The following SLC25A32 variants were observed in gnomAD, a reference collection of about 807,000 sequenced individuals.
SLC25A32 encodes Glycine auxotroph B, complementation of hamster.
Under a neutral mutation model 39.0 loss-of-function variants are expected in SLC25A32, and 32 were observed. The ratio of observed to expected loss-of-function variants is 0.82; its 90% CI spans 0.62 to 1.10. SLC25A32 has a LOEUF of 1.10. Among genes scored for constraint, SLC25A32 ranks in the 50% least tolerant of loss-of-function variants. The probability of loss-of-function intolerance (pLI) is 0.00; values close to 1 mark genes in which losing one functional copy is unlikely to be tolerated. For missense variants in SLC25A32, 367 were observed against 395.3 expected, an observed-to-expected ratio of 0.93 and a Z score of 0.61; for synonymous variants, 166 against 152.4, an observed-to-expected ratio of 1.09 and a Z score of -0.66.
In SLC25A32 at chr8:103,398,862, G is replaced by C. The variant is rs1249093736; in HGVS notation, c.*1549C>G. ...CATCTGCATGTTATAAGATATTACA[G>C]TAAATACAATTAGGTACTTACCATT... is the stretch of plus-strand genomic sequence containing the variant. On this transcript the variant is annotated 3_prime_UTR_variant, in exon 7 of 7. Transcript: ENST00000297578. 2.6e-5 allele frequency: 4 copies of C among 152,038 alleles called. No individual in the cohort carries two copies. Among genetic ancestry groups the C allele is most frequent in the Non-Finnish European group, 5.9e-5 (4 of 68,004 alleles). 9.4% of individuals were successfully genotyped at this position (152,038 alleles called of 1,614,324 possible).
intron 1 of SLC25A32, among the ~76,000 whole-genome samples, chr8:103,410,432 T>C (rs567246852): frequency 6.6e-6 from 1 of 152,318 alleles, no homozygotes; most frequent in Non-Finnish European, 1.5e-5. Flanking sequence ...GTGGTGGCAT[T>C]GGGTTCTTAC....
chr8:103,402,042 C>G lies in SLC25A32; in HGVS notation c.565G>C (p.Gly189Arg). The G allele has an allele frequency of 6.2e-7, 1 of 1,608,514 alleles. No individual in the cohort carries two copies. The highest frequency in any genetic ancestry group is 8.5e-7 in the Non-Finnish European group (1 of 1,177,394). Reference protein sequence around the residue: ...VRGLYKGFVPGLFGTSHGALQ... With the variant: ...VRGLYKGFVPRLFGTSHGALQ... ...GCACCATGCGATGTTCCAAACAGCC[C>G]AGGAACAAATCCCTACAAGGGAATG... Residue 189 changes from glycine to arginine, a missense_variant, in exon 5 of 7, where the codon GGG (glycine) becomes CGG (arginine). Coordinates refer to ENST00000297578, the MANE Select transcript of SLC25A32 (RefSeq NM_030780.5).
intron 4 of SLC25A32, 91 bp downstream of exon 4, chr8:103,403,073 G>T: frequency 2.4e-6 from 2 of 818,922 alleles, no homozygotes; most frequent in Non-Finnish European, 3.6e-6. Context: ...CTTCTTTTTA[G>T]GACTTACTAT....
At chr8:103,409,826 T>A (rs987101860) in intron 1 of SLC25A32, among the ~76,000 whole-genome samples, 1 of 152,232 alleles carries the variant, frequency 6.6e-6, no homozygotes, top group Non-Finnish European at 1.5e-5. Context: ...CTGGGTTTGA[T>A]ACGTAACCTC....
chr8:103,403,409 TAAAAAAAA>T, intron 3 of SLC25A32, 85 bp from the exon 4 acceptor site: 13 of 249,172 alleles, frequency 5.2e-5, no homozygotes, highest in South Asian at 1.4e-4. Context: ...TACATTTATG[TAAAAAAAA>T]AAAAAAAAAA....
At chr8:103,403,377 T>G (rs747188117) in intron 3 of SLC25A32, 53 bp from the exon 4 acceptor site, 1 of 1,102,584 alleles carries the variant, frequency 9.1e-7, no homozygotes, top group Admixed American at 2.8e-5. Context: ...TTCGCACTTA[T>G]GACAACCCAA....
At chr8:103,408,631 T>C (rs1189872629) in intron 1 of SLC25A32, among the ~76,000 whole-genome samples, 1 of 152,176 alleles carries the variant, frequency 6.6e-6, no homozygotes, top group African/African-American at 2.4e-5. Flanking sequence ...AAAATCCAAG[T>C]AGAAAGTAGA....
chr8:103,407,079 A>G (rs191689688), intron 2 of SLC25A32, among the ~76,000 whole-genome samples: 1 of 152,328 alleles, frequency 6.6e-6, no homozygotes, highest in Admixed American at 6.5e-5. Context: ...CGACTGATTC[A>G]ACTTTTTCTA....
At chr8:103,413,740 C>T (rs537070526) in intron 1 of SLC25A32, among the ~76,000 whole-genome samples, 7 of 152,276 alleles carry the variant, frequency 4.6e-5, no homozygotes, top group African/African-American at 9.6e-5. Flanking sequence ...CTTCATAGAA[C>T]GGGTTCTTGC....
chr8:103,407,509 ATCCT>A (rs1221621457), intron 2 of SLC25A32, 121 bp downstream of exon 2: 6 of 762,972 alleles, frequency 7.9e-6, no homozygotes, highest in Admixed American at 3.2e-5. Context: ...GTTCTTCCTG[ATCCT>A]TCCAATTCAG....
Position 103,400,313 on chromosome 8 carries a change from T to G in SLC25A32, c.*98A>C, listed in dbSNP as rs891476270. On this transcript the variant is annotated 3_prime_UTR_variant, in exon 7 of 7. Coordinates refer to ENST00000297578, the MANE Select transcript of SLC25A32 (RefSeq NM_030780.5). ...AATGACTATAGAGCAATTTCGAATA[T>G]GAGCCATGTTTCTATGCAGAATTCT... The G allele has an allele frequency of 7.2e-7, 1 of 1,394,958 alleles. No homozygotes were observed. The highest frequency in any genetic ancestry group is 1.0e-6 in the Non-Finnish European group (1 of 1,003,358). The allele number at this position is 1,394,958 out of a possible 1,614,324, so 86.4% of individuals were successfully genotyped here.
intron 1 of SLC25A32, among the ~76,000 whole-genome samples, chr8:103,411,427 A>G (rs976665368): frequency 6.6e-6 from 1 of 151,980 alleles, no homozygotes; most frequent in Non-Finnish European, 1.5e-5. Context: ...CCCCGAGACA[A>G]TCTCAGCAGG....
rs751350298 is a variant in SLC25A32 at position 103,415,096 on chromosome 8, G to A, written c.-159C>T. The stretch of plus-strand genomic sequence containing the variant: ...CCCAAGGCGCGTGAGCGAAGCCGGA[G>A]ACTCTAGTACTGAGGGGGCAAGAAC... On this transcript the variant is annotated 5_prime_UTR_variant, in exon 1 of 7. Coordinates refer to ENST00000297578, the MANE Select transcript of SLC25A32 (RefSeq NM_030780.5). 11 of 1,610,800 alleles carry A rather than the reference G, an allele frequency of 6.8e-6. No individual in the cohort carries two copies. Among genetic ancestry groups the A allele is most frequent in the Admixed American group, 6.7e-5 (4 of 59,580 alleles).
At position 103,403,162 on chromosome 8, in the gene SLC25A32, A is replaced by C; in HGVS notation, c.552+2T>G. Reference sequence around the variant, plus strand: ...ATTTAAAATATATTGATAATTTGTTACCTTATATAATCCACGCACACCTTC... The same window carrying C: ...ATTTAAAATATATTGATAATTTGTTCCCTTATATAATCCACGCACACCTTC... On this transcript the variant is annotated splice_donor_variant, in intron 4 of 6. Transcript: ENST00000297578. LOFTEE classifies it high-confidence loss of function. 1 of 1,574,494 alleles carries C rather than the reference A, an allele frequency of 6.4e-7. No individual in the cohort carries two copies. Among genetic ancestry groups the C allele is most frequent in the Non-Finnish European group, 8.7e-7 (1 of 1,155,548 alleles).
At position 103,414,891 on chromosome 8, in the gene SLC25A32, G is replaced by A. The variant is rs775190762; in HGVS notation, c.47C>T (p.Thr16Met). ...QSASGSSAWSTVFRHVRYENL... is the reference protein window; with the variant it reads ...QSASGSSAWSMVFRHVRYENL... ...CTCATACCGGACGTGGCGGAATACC[G>A]TGCTCCACGCCGACGACCCGGACGC... is the stretch of plus-strand genomic sequence containing the variant. Residue 16 changes from threonine to methionine, a missense_variant, in exon 1 of 7, where the codon ACG (threonine) becomes ATG (methionine). By Grantham distance (81) the Thr-to-Met change is moderately conservative. Transcript: ENST00000297578. The A allele has an allele frequency of 1.9e-6, 3 of 1,612,518 alleles. No homozygotes were observed. The highest frequency in any genetic ancestry group is 2.2e-5 in the East Asian group (1 of 44,814).
chr8:103,407,826 T>C, intron 1 of SLC25A32, 42 bp from the exon 2 acceptor site: 1 of 1,568,506 alleles, frequency 6.4e-7, no homozygotes, highest in Non-Finnish European at 8.7e-7. Flanking sequence ...AACAAAGTTC[T>C]AGCTCTGTAT....
chr8:103,413,914 A>G (rs1233111188), intron 1 of SLC25A32, among the ~76,000 whole-genome samples: 1 of 152,256 alleles, frequency 6.6e-6, no homozygotes, highest in Admixed American at 6.5e-5. Flanking sequence ...TATGTTGTCT[A>G]GAATTACCTT....
chr8:103,401,318 T>G (rs1470910918), intron 6 of SLC25A32, among the ~76,000 whole-genome samples, 198 bp downstream of exon 6: 1 of 152,250 alleles, frequency 6.6e-6, no homozygotes, highest in Non-Finnish European at 1.5e-5. Flanking sequence ...TAGAAAGTCT[T>G]ACTTTACAAA....
At chr8:103,411,860 A>G (rs1816473706) in intron 1 of SLC25A32, among the ~76,000 whole-genome samples, 1 of 152,206 alleles carries the variant, frequency 6.6e-6, no homozygotes, top group Non-Finnish European at 1.5e-5. Context: ...CTGGCAGCTT[A>G]ACTTTCTGGA....
Sources: gnomAD v4.1 joint callset for allele counts (sites outside exome capture counted in the v4.1 genomes callset) on GRCh38, gnomAD v4.1.1 for gene constraint, MANE v1.5 for transcripts, NCBI Gene and HGNC (gene_info 2026-07-23, HGNC 2026-07-21) for gene names.